NBPF9: variants seen among roughly 807,000 people sequenced by gnomAD.
The protein encoded by NBPF9 is NBPF family member NBPF9.
A neutral mutation model predicts 97.8 loss-of-function variants in NBPF9; 91 were observed. The ratio of observed to expected loss-of-function variants is 0.93; its 90% confidence interval spans 0.79 to 1.11. The LOEUF (loss-of-function observed/expected upper bound fraction) is 1.11, where lower values mean the gene tolerates loss of function less well. Ranked by LOEUF, NBPF9 falls within the 50% of genes least tolerant of loss-of-function variation. The probability of loss-of-function intolerance (pLI) is 0.00; values close to 1 mark genes in which losing one functional copy is unlikely to be tolerated. For missense variants in NBPF9, 992 were observed against 939.5 expected (o/e 1.06, Z -0.73); for synonymous variants, 334 against 359.5 (o/e 0.93, Z 0.80).
At chr1:149,084,679 C>T (rs1367968210) in intron 5 of NBPF9, among the ~76,000 whole-genome samples, 3 of 151,598 alleles carry the variant, frequency 2.0e-5, no homozygotes, top group Admixed American at 6.6e-5. Flanking sequence ...CAAGGACCCA[C>T]CTTCCATCTG....
chr1:149,077,555 G>C (rs1575846284), intron 10 of NBPF9, 136 bp from the exon 11 acceptor site: 6 of 906,570 alleles, frequency 6.6e-6, no homozygotes, highest in Non-Finnish European at 1.1e-5. Context: ...CCTTAAAGAG[G>C]GAACAGGCAA....
At chr1:149,063,067 A>T (rs1225997698) in intron 20 of NBPF9, among the ~76,000 whole-genome samples, 154 bp from the exon 21 acceptor site, 58,715 of 129,928 alleles carry the variant, frequency 0.45, 12,503 homozygotes, top group Middle Eastern at 0.53. Context: ...AAGGCTGATC[A>T]CCATAGAGAT....
At chr1:149,071,825 G>A in intron 14 of NBPF9, 149 bp from the exon 15 acceptor site, 1 of 634,914 alleles carries the variant, frequency 1.6e-6, no homozygotes, top group Non-Finnish European at 2.8e-6. Context: ...AGAATGCCCT[G>A]GCATGGTTTC....
intron 15 of NBPF9, among the ~76,000 whole-genome samples, chr1:149,071,356 G>A (rs1287691803): frequency 6.6e-6 from 1 of 151,098 alleles, no homozygotes; most frequent in African/African-American, 2.4e-5. Context: ...GCTGTTCATT[G>A]CACTGGACAG....
intron 4 of NBPF9, among the ~76,000 whole-genome samples, chr1:149,095,766 C>T (rs1289009121): frequency 1.3e-5 from 2 of 152,030 alleles, no homozygotes; most frequent in African/African-American, 4.8e-5. Context: ...CACTGTAAAC[C>T]TATCAGAATG....
At chr1:149,059,875 T>C (rs1575822957) in intron 24 of NBPF9, 67 bp from the exon 25 acceptor site, 2 of 506,280 alleles carry the variant, frequency 4.0e-6, no homozygotes, top group Non-Finnish European at 3.6e-6. Flanking sequence ...CAATCCACTG[T>C]CTAATCCTCA....
Position 149,055,306 on chromosome 1 carries a change from G to T in NBPF9, c.*350C>A, listed in dbSNP as rs1490881866. On this transcript the variant is annotated 3_prime_UTR_variant, in exon 30 of 30. Coordinates refer to ENST00000584027, the Ensembl canonical transcript of NBPF9. ...CACCTTTGGATGAGCTAAACACAAA[G>T]ATGACAATGACCTTGAGCAGGTATA... 50 of 436,904 alleles carry T rather than the reference G, an allele frequency of 1.1e-4. 1 individual carries two copies. Among genetic ancestry groups the T allele is most frequent in the Middle Eastern group, 6.5e-4 (1 of 1,538 alleles). 27.1% of individuals were successfully genotyped at this position (436,904 alleles called of 1,614,324 possible).
exon 12 of NBPF9, chr1:149,075,776 T>C (rs782643396): frequency 0.14 from 214,654 of 1,565,490 alleles, 365 homozygotes; most frequent in Non-Finnish European, 0.15. Flanking sequence ...CATTGATTTC[T>C]AGAATGTTCA....
chr1:149,079,270 T>G, intron 8 of NBPF9, 49 bp from the exon 9 acceptor site: 1 of 1,173,108 alleles, frequency 8.5e-7, no homozygotes, highest in East Asian at 2.5e-5. Context: ...GGTTGAGTGA[T>G]CCGTTCAAAT....
At chr1:149,100,655 C>T (rs1254348735) in intron 3 of NBPF9, among the ~76,000 whole-genome samples, 3 of 152,262 alleles carry the variant, frequency 2.0e-5, no homozygotes, top group Admixed American at 1.3e-4. Context: ...GAATCACAGC[C>T]GGGTGGGGTG....
exon 2 of NBPF9, chr1:149,102,741 G>A (rs1373485305): frequency 2.6e-5 from 4 of 151,616 alleles, no homozygotes; most frequent in South Asian, 4.2e-4. Flanking sequence ...GAAATCCTGC[G>A]GTGAATTAGA....
intron 11 of NBPF9, among the ~76,000 whole-genome samples, chr1:149,076,492 G>C (rs1430151599): frequency 2.7e-5 from 4 of 149,048 alleles, no homozygotes; most frequent in Non-Finnish European, 6.0e-5. Flanking sequence ...CAGCGCCCCT[G>C]GTCAGAGACT....
At chr1:149,079,764 C>G (rs1397497522) in intron 8 of NBPF9, among the ~76,000 whole-genome samples, 5 of 151,802 alleles carry the variant, frequency 3.3e-5, no homozygotes, top group Admixed American at 3.3e-4. Flanking sequence ...TTTGAGTATA[C>G]TGAATGCTGC....
intron 16 of NBPF9, among the ~76,000 whole-genome samples, chr1:149,070,357 A>C (rs2079304125): frequency 6.8e-6 from 1 of 147,024 alleles, no homozygotes; most frequent in Non-Finnish European, 1.5e-5. Context: ...CCACGATGCT[A>C]CAAAGAAACA....
At chr1:149,099,377 A>T (rs1332785319) in intron 3 of NBPF9, among the ~76,000 whole-genome samples, 1 of 152,182 alleles carries the variant, frequency 6.6e-6, no homozygotes, top group African/African-American at 2.4e-5. Flanking sequence ...TCTGCTGTAT[A>T]CAAGCTATTT....
downstream of NBPF9, among the ~76,000 whole-genome samples, chr1:149,052,917 G>GC (rs1484293834): frequency 0.57 from 68,557 of 121,308 alleles, 22,364 homozygotes; most frequent in African/African-American, 0.77. Flanking sequence ...CCATAATCCT[G>GC]CCCTAAACAC....
At chr1:149,071,116 T>C (rs1553652856) in exon 16 of NBPF9, 2 of 1,600,028 alleles carry the variant, frequency 1.2e-6, no homozygotes, top group Non-Finnish European at 8.5e-7. Context: ...AGGGACTTCC[T>C]TTTCTTCAGC....
intron 8 of NBPF9, among the ~76,000 whole-genome samples, chr1:149,079,696 GCAGT>G (rs1320241770): frequency 1.3e-5 from 2 of 151,344 alleles, no homozygotes; most frequent in African/African-American, 4.9e-5. Flanking sequence ...ATGAGAAGCC[GCAGT>G]CAGTCAGGAG....
intron 16 of NBPF9, among the ~76,000 whole-genome samples, chr1:149,070,515 T>C (rs2152890081): frequency 6.6e-6 from 1 of 151,280 alleles, no homozygotes; most frequent in Admixed American, 6.6e-5. Context: ...GAGATCCAGA[T>C]GAAAGCTGAG....
Sources: gnomAD v4.1 joint callset for allele counts (sites outside exome capture counted in the v4.1 genomes callset) on GRCh38, gnomAD v4.1.1 for gene constraint, MANE v1.5 for transcripts, NCBI Gene and HGNC (gene_info 2026-07-23, HGNC 2026-07-21) for gene names.